ATRN: variants seen among roughly 807,000 people sequenced by gnomAD.
The protein encoded by ATRN is attractin.
A neutral mutation model predicts 178.7 loss-of-function variants in ATRN; 54 were observed. The observed-to-expected ratio is 0.30, with a 90% CI of 0.24 to 0.38. The LOEUF is 0.38. Among genes scored for constraint, ATRN ranks in the 10% least tolerant of loss-of-function variants. The pLI, the probability that ATRN is intolerant of heterozygous loss-of-function variation, is 1.00. For missense variants in ATRN, 1,443 were observed against 1,815.1 expected, an observed-to-expected ratio of 0.79 and a Z score of 3.73; for synonymous variants, 636 against 663.0, an observed-to-expected ratio of 0.96 and a Z score of 0.63.
intron 1 of ATRN, among the ~76,000 whole-genome samples, chr20:3,483,443 C>T (rs1316743231): frequency 1.3e-5 from 2 of 152,146 alleles, no homozygotes; most frequent in Admixed American, 1.3e-4. Context: ...ACCTTCAGGG[C>T]TTAGGTGATC....
At chr20:3,615,031 G>T (rs919681324) in intron 24 of ATRN, among the ~76,000 whole-genome samples, 3 of 151,836 alleles carry the variant, frequency 2.0e-5, no homozygotes, top group Non-Finnish European at 4.4e-5. Flanking sequence ...TGCTTGGGTG[G>T]TTTTCACTCT....
intron 26 of ATRN, among the ~76,000 whole-genome samples, chr20:3,634,765 C>G (rs776843729): frequency 6.6e-6 from 1 of 152,126 alleles, no homozygotes; most frequent in Non-Finnish European, 1.5e-5. Context: ...ACTTGTCATG[C>G]GAGAGGGAAA....
At chr20:3,541,745 T>C (rs1180811483) in intron 3 of ATRN, among the ~76,000 whole-genome samples, 1 of 152,254 alleles carries the variant, frequency 6.6e-6, no homozygotes, top group East Asian at 1.9e-4. Context: ...CTGTATATTT[T>C]CCTAAAATGC....
At chr20:3,554,821 A>G (rs551342809) in intron 6 of ATRN, among the ~76,000 whole-genome samples, 1 of 152,144 alleles carries the variant, frequency 6.6e-6, no homozygotes, top group South Asian at 2.1e-4. Flanking sequence ...TAAGATTGCC[A>G]GTTGAAACTT....
At chr20:3,536,833 T>C (rs2085539964) in intron 2 of ATRN, among the ~76,000 whole-genome samples, 1 of 152,200 alleles carries the variant, frequency 6.6e-6, no homozygotes, top group Admixed American at 6.5e-5. Flanking sequence ...AAAAGAGATT[T>C]TAATAGTACA....
rs1285188529 is a variant in ATRN, at chr20:3,650,949, C to T, written c.*4102C>T. 1 of 152,540 alleles carries T rather than the reference C, an allele frequency of 6.6e-6. No homozygotes were observed. The highest frequency in any genetic ancestry group is 2.4e-5 in the African/African-American group (1 of 41,408). The allele number at this position is 152,540 out of a possible 1,614,324, so 9.4% of individuals were successfully genotyped here. A position where few individuals can be genotyped will look rare whatever the true frequency, so the allele number is the denominator to read the frequency against. ...GGTGTTATACATACATTTAGGACTG[C>T]AATTTTTTGGTATTTTTTGTATTGT... On this transcript the variant is annotated 3_prime_UTR_variant, in exon 29 of 29. Transcript: ENST00000262919.
chr20:3,629,366 C>G, intron 25 of ATRN: 2 of 922,892 alleles, frequency 2.2e-6, no homozygotes, highest in Non-Finnish European at 2.6e-6. Context: ...AGGACCATCT[C>G]CTATGTCTTC....
At chr20:3,608,375 A>G (rs2086707106) in intron 24 of ATRN, among the ~76,000 whole-genome samples, 1 of 152,152 alleles carries the variant, frequency 6.6e-6, no homozygotes, top group East Asian at 1.9e-4. Flanking sequence ...TTTAAATTTG[A>G]TTTTTGTATG....
At position 3,572,950 on chromosome 20, in the gene ATRN, A is replaced by G. The variant is rs756138520; in HGVS notation, c.2091A>G (p.Arg697=). 6.2e-7 allele frequency: 1 copy of G among 1,612,970 alleles called. No homozygotes were observed. The highest frequency in any genetic ancestry group is 1.7e-5 in the Admixed American group (1 of 59,966). Residue 697 remains arginine, a splice_region_variant and synonymous_variant, in exon 12 of 29, where the codon AGA becomes AGG. Transcript: ENST00000262919. ...TAAAATCAGAATGTTTTTCCAAAAG[A>G]AGTATGTTTTTTTTTCTCTACTTAG... ...EKLKSECFSK[R]TLDHDRCDQH...
At chr20:3,527,149 C>T (rs1600076041) in intron 1 of ATRN, among the ~76,000 whole-genome samples, 2 of 152,206 alleles carry the variant, frequency 1.3e-5, no homozygotes, top group South Asian at 4.2e-4. Flanking sequence ...AGGCAACCTA[C>T]AGAATGGGAG....
chr20:3,527,953 A>G (rs1600076993), intron 1 of ATRN, among the ~76,000 whole-genome samples: 1 of 152,168 alleles, frequency 6.6e-6, no homozygotes, highest in African/African-American at 2.4e-5. Context: ...CAGCATTAGG[A>G]GAAATACCTA....
At chr20:3,483,973 G>C (rs1333567368) in intron 1 of ATRN, among the ~76,000 whole-genome samples, 1 of 152,042 alleles carries the variant, frequency 6.6e-6, no homozygotes, top group African/African-American at 2.4e-5. Context: ...ATGAGGCCGG[G>C]CATGATGACT....
chr20:3,500,095 C>A (rs1170519154), intron 1 of ATRN, among the ~76,000 whole-genome samples: 1 of 152,126 alleles, frequency 6.6e-6, no homozygotes, highest in African/African-American at 2.4e-5. Context: ...GCTCACCATC[C>A]CTGGCCATCA....
chr20:3,561,035 C>T, intron 8 of ATRN, 130 bp downstream of exon 8: 1 of 1,253,732 alleles, frequency 8.0e-7, no homozygotes, highest in South Asian at 1.4e-5. Context: ...ATAGTAAACA[C>T]TGGGCCCAGG....
chr20:3,620,978 T>A (rs952518775), intron 24 of ATRN, among the ~76,000 whole-genome samples: 3 of 152,160 alleles, frequency 2.0e-5, no homozygotes, highest in African/African-American at 4.8e-5. Flanking sequence ...ATGATTTTTT[T>A]ATTTTATTTT....
chr20:3,583,806 CAA>C (rs368165282), intron 16 of ATRN, 90 bp from the exon 17 acceptor site: 693 of 1,045,022 alleles, frequency 6.6e-4, no homozygotes, highest in South Asian at 7.9e-4. Context: ...GACTCCGTCT[CAA>C]AAAAAAAAAA....
At chr20:3,478,921 CTTT>C (rs71331052) in intron 1 of ATRN, among the ~76,000 whole-genome samples, 2 of 125,994 alleles carry the variant, frequency 1.6e-5, no homozygotes, top group Admixed American at 8.4e-5. Context: ...AATTCATACC[CTTT>C]TTTTTTTTTT....
At position 3,624,797 on chromosome 20, in the gene ATRN, G is replaced by A. The variant is rs190452060; in HGVS notation, c.3863+225G>A. ...TGGTTTGTATGTTCTGGCTTCCAGCGGGGGGCTTTGCATGTATCCTGTATT... is the reference window on the plus strand; with the variant it reads ...TGGTTTGTATGTTCTGGCTTCCAGCAGGGGGCTTTGCATGTATCCTGTATT... On this transcript the variant is annotated intron_variant, in intron 25 of 28. Coordinates refer to ENST00000262919, the MANE Select transcript of ATRN (RefSeq NM_139321.3). Among the ~76,000 whole-genome samples, 390 of 152,258 alleles carry A rather than the reference G, an allele frequency of 2.6e-3. 1 individual carries two copies. Among genetic ancestry groups the A allele is most frequent in the Non-Finnish European group, 4.0e-3 (270 of 68,016 alleles).
chr20:3,490,318 G>T, intron 1 of ATRN: 1 of 1,019,364 alleles, frequency 9.8e-7, no homozygotes, highest in Non-Finnish European at 1.6e-6. Context: ...TCAGAGCGCT[G>T]CTTGTCTCTT....
Sources: allele counts gnomAD v4.1 joint callset (sites outside exome capture counted in the v4.1 genomes callset), GRCh38; gene constraint gnomAD v4.1.1; transcripts MANE v1.5; gene names NCBI Gene and HGNC (gene_info 2026-07-23, HGNC 2026-07-21).